TRMT9B: variants seen among roughly 807,000 people sequenced by gnomAD.
TRMT9B encodes probable tRNA methyltransferase 9B.
Under a neutral mutation model 11.5 loss-of-function variants are expected in TRMT9B, and 16 were observed. The ratio of observed to expected loss-of-function variants is 1.39; its 90% confidence interval spans 0.94 to 2.11. TRMT9B has a LOEUF of 2.11. Among genes scored for constraint, TRMT9B ranks in the 30% most tolerant of loss-of-function variants. TRMT9B has a pLI of 0.00. For missense variants in TRMT9B, 941 were observed against 553.8 expected (o/e 1.70, Z -7.02); for synonymous variants, 274 against 192.4 (o/e 1.42, Z -3.51).
chr8:12,993,986 G>C (rs1488021013), intron 2 of TRMT9B, among the ~76,000 whole-genome samples: 1 of 152,182 alleles, frequency 6.6e-6, no homozygotes, highest in Admixed American at 6.5e-5. Flanking sequence ...TCAGGGCTGA[G>C]CCATCAGCAG....
chr8:13,025,231 G>T lies in TRMT9B; in HGVS notation c.*3187G>T, dbSNP rs760844652. The T allele has an allele frequency of 6.6e-5, 11 of 167,108 alleles. No individual in the cohort carries two copies. The highest frequency in any genetic ancestry group is 2.2e-4 in the African/African-American group (9 of 41,522). 10.4% of individuals were successfully genotyped at this position (167,108 alleles called of 1,614,324 possible). ...TTATTGGAGGAGTCTTAAAAACTTGGTTGGCAGCTGGGTACGATGACTCAC... is the reference window on the plus strand; with the variant it reads ...TTATTGGAGGAGTCTTAAAAACTTGTTTGGCAGCTGGGTACGATGACTCAC... On this transcript the variant is annotated 3_prime_UTR_variant, in exon 5 of 5. Coordinates refer to ENST00000524591, the MANE Select transcript of TRMT9B (RefSeq NM_020844.3).
chr8:13,000,933 T>A lies in TRMT9B; in HGVS notation c.-1-5269T>A, dbSNP rs118050924. ...AATGAAGTACCTCAGGACGCAAGGC[T>A]GGTACTGTAAAATGAACAGGTTTCT... On this transcript the variant is annotated intron_variant, in intron 2 of 4. Transcript: ENST00000524591. 3.6e-3 allele frequency among the ~76,000 whole-genome samples: 541 copies of A among 152,214 alleles called. 4 individuals are homozygous for A. The highest frequency in any genetic ancestry group is 6.9e-3 in the Admixed American group (106 of 15,284).
intron 1 of TRMT9B, chr8:12,962,263 G>A (rs559092738): frequency 2.3e-4 from 35 of 152,332 alleles, no homozygotes; most frequent in African/African-American, 8.4e-4. Flanking sequence ...AAAAGGCTGT[G>A]TAGACACACC....
At chr8:13,003,315 C>A (rs1809805573) in intron 2 of TRMT9B, among the ~76,000 whole-genome samples, 1 of 152,082 alleles carries the variant, frequency 6.6e-6, no homozygotes, top group African/African-American at 2.4e-5. Flanking sequence ...CCTGGGATAC[C>A]ACTCACTCAC....
rs186930707 is a variant in TRMT9B at position 13,012,770 on chromosome 8, C to G, written c.241C>G (p.Arg81Gly). The change falls in exon 4 of 5, where the codon CGG (arginine) becomes GGG (glycine). Residue 81 changes from arginine to glycine, a missense_variant. By Grantham distance (125) the Arg-to-Gly change is moderately radical (BLOSUM62 -2). Coordinates refer to ENST00000524591, the MANE Select transcript of TRMT9B (RefSeq NM_020844.3). ...DYCGPLVEIA[R>G]NRGCEAMVCD... ...CTGTGGGCCACTGGTAGAGATTGCC[C>G]GGAATAGAGGATGTGAAGCCATGGT... 6.2e-7 allele frequency: 1 copy of G among 1,613,836 alleles called. No homozygotes were observed. Among genetic ancestry groups the G allele is most frequent in the East Asian group, 2.2e-5 (1 of 44,864 alleles).
At chr8:13,014,960 T>C (rs1215372472) in intron 4 of TRMT9B, among the ~76,000 whole-genome samples, 4 of 151,884 alleles carry the variant, frequency 2.6e-5, no homozygotes, top group Non-Finnish European at 4.4e-5. Context: ...CTTGGGAAGC[T>C]GAGGCAGGGA....
At chr8:13,004,029 G>A (rs1037731669) in intron 2 of TRMT9B, among the ~76,000 whole-genome samples, 2 of 151,708 alleles carry the variant, frequency 1.3e-5, no homozygotes, top group South Asian at 2.1e-4. Context: ...ACACCGTATC[G>A]AACTCAGTGC....
intron 2 of TRMT9B, among the ~76,000 whole-genome samples, chr8:12,998,344 C>T (rs534475661): frequency 1.3e-5 from 2 of 152,230 alleles, no homozygotes; most frequent in East Asian, 1.9e-4. Context: ...CTTTATTGTT[C>T]TGTATGATAG....
intron 3 of TRMT9B, chr8:13,010,436 G>C: frequency 1.0e-6 from 1 of 985,060 alleles, no homozygotes; most frequent in Non-Finnish European, 1.2e-6. Flanking sequence ...TCTGTTGCTA[G>C]GTTTTTCCAC....
intron 1 of TRMT9B, among the ~76,000 whole-genome samples, chr8:12,971,216 T>C (rs1803572505): frequency 6.6e-6 from 1 of 152,350 alleles, no homozygotes; most frequent in South Asian, 2.1e-4. Context: ...ATTTATTTAT[T>C]TTTCTTTCTT....
At chr8:13,013,236 A>C (rs1043207713) in intron 4 of TRMT9B, among the ~76,000 whole-genome samples, 1 of 152,206 alleles carries the variant, frequency 6.6e-6, no homozygotes. Context: ...TTTTAGGCCA[A>C]AATAGTGGCC....
At chr8:13,012,657 C>A in intron 3 of TRMT9B, 27 bp from the exon 4 acceptor site, 1 of 1,587,838 alleles carries the variant, frequency 6.3e-7, no homozygotes, top group South Asian at 1.1e-5. Flanking sequence ...TTGAGGATAG[C>A]ATGTAACGCA....
intron 4 of TRMT9B, among the ~76,000 whole-genome samples, chr8:13,013,199 T>C (rs977187921): frequency 1.3e-5 from 2 of 152,168 alleles, no homozygotes; most frequent in Admixed American, 6.5e-5. Flanking sequence ...CAAAGCAAAG[T>C]AGATTTTTAG....
chr8:12,963,849 T>C lies in TRMT9B; in HGVS notation c.-200+17883T>C, dbSNP rs573096516. Among the ~76,000 whole-genome samples the C allele has an allele frequency of 2.6e-5, 4 of 152,356 alleles. No individual in the cohort carries two copies. In the South Asian group the frequency reaches 8.3e-4, roughly 32 times the overall value. ...GCTCCTGTTTTCTGTTTATTTAAAC[T>C]AGGCTGCAGCGTGGCATGATAGATC... On this transcript the variant is annotated intron_variant, in intron 1 of 4. Coordinates refer to ENST00000524591, the MANE Select transcript of TRMT9B (RefSeq NM_020844.3).
intron 1 of TRMT9B, among the ~76,000 whole-genome samples, chr8:12,990,117 G>A (rs868529589): frequency 2.0e-5 from 3 of 152,148 alleles, no homozygotes; most frequent in Non-Finnish European, 4.4e-5. Flanking sequence ...TACAGTTTGT[G>A]GCAGTGTGGT....
At chr8:12,988,313 A>T (rs1806690597) in intron 1 of TRMT9B, among the ~76,000 whole-genome samples, 1 of 152,194 alleles carries the variant, frequency 6.6e-6, no homozygotes, top group Non-Finnish European at 1.5e-5. Flanking sequence ...GATAAGGGGT[A>T]TTGACATTGT....
At chr8:12,964,079 A>G (rs1288336059) in intron 1 of TRMT9B, among the ~76,000 whole-genome samples, 1 of 152,216 alleles carries the variant, frequency 6.6e-6, no homozygotes, top group Admixed American at 6.5e-5. Flanking sequence ...ACAATTTAGG[A>G]TGCCCTAAAA....
intron 1 of TRMT9B, among the ~76,000 whole-genome samples, chr8:12,989,663 C>T (rs908377249): frequency 2.0e-5 from 3 of 152,288 alleles, no homozygotes; most frequent in East Asian, 1.9e-4. Flanking sequence ...TGATGACAGT[C>T]GACTGCCCAG....
At chr8:12,981,709 C>A (rs948072903) in intron 1 of TRMT9B, among the ~76,000 whole-genome samples, 1 of 152,008 alleles carries the variant, frequency 6.6e-6, no homozygotes, top group East Asian at 1.9e-4. Context: ...AAGTGATCAT[C>A]CAGCCTCAGT....
Sources: gnomAD v4.1 joint callset for allele counts (sites outside exome capture counted in the v4.1 genomes callset) on GRCh38, gnomAD v4.1.1 for gene constraint, MANE v1.5 for transcripts, NCBI Gene and HGNC (gene_info 2026-07-23, HGNC 2026-07-21) for gene names.